TMPRSS15: variants seen among roughly 807,000 people sequenced by gnomAD.
The protein encoded by TMPRSS15 is transmembrane serine protease 15, also known as enteropeptidase.
A neutral mutation model predicts 125.3 loss-of-function variants in TMPRSS15; 128 were observed. The observed-to-expected ratio is 1.02, with a 90% CI of 0.89 to 1.18. The LOEUF (loss-of-function observed/expected upper bound fraction) is 1.18, where lower values mean the gene tolerates loss of function less well. Among genes scored for constraint, TMPRSS15 ranks in the 50% most tolerant of loss-of-function variants. TMPRSS15 has a pLI of 0.00. For synonymous variants in TMPRSS15, 446 were observed against 423.2 expected (o/e 1.05, Z -0.66); for missense variants, 1,283 against 1,212.7 (o/e 1.06, Z -0.86).
At chr21:18,390,684 G>A (rs1242774296) in intron 3 of TMPRSS15, among the ~76,000 whole-genome samples, 1 of 152,144 alleles carries the variant, frequency 6.6e-6, no homozygotes, top group Non-Finnish European at 1.5e-5. Context: ...TCAGTTAAGT[G>A]TCCCAGGGAA....
chr21:18,469,116 C>A (rs1231379454), intron 1 of TMPRSS15, among the ~76,000 whole-genome samples: 2 of 152,174 alleles, frequency 1.3e-5, no homozygotes, highest in Non-Finnish European at 2.9e-5. Context: ...GCAGCCCTAA[C>A]TACAGCTGCA....
At chr21:18,300,294 TTC>T (rs1187103446) in intron 18 of TMPRSS15, among the ~76,000 whole-genome samples, 5 of 121,436 alleles carry the variant, frequency 4.1e-5, no homozygotes, top group African/African-American at 2.6e-5. Flanking sequence ...CTCTCTTTCT[TTC>T]TCTCTCTCTC....
intron 7 of TMPRSS15, among the ~76,000 whole-genome samples, chr21:18,364,834 C>A (rs533565514): frequency 6.6e-6 from 1 of 152,252 alleles, no homozygotes; most frequent in East Asian, 1.9e-4. Flanking sequence ...TCTCACGATA[C>A]ACAGACATAC....
chr21:18,336,744 C>T (rs1178502011), intron 13 of TMPRSS15, among the ~76,000 whole-genome samples: 1 of 152,176 alleles, frequency 6.6e-6, no homozygotes, highest in Non-Finnish European at 1.5e-5. Context: ...GATCGTAGTG[C>T]ACCCGAGCCT....
At chr21:18,299,963 T>G (rs1484684440) in intron 18 of TMPRSS15, among the ~76,000 whole-genome samples, 1 of 152,198 alleles carries the variant, frequency 6.6e-6, no homozygotes, top group African/African-American at 2.4e-5. Flanking sequence ...GCTACTGGCA[T>G]GAGGCTCTGC....
At chr21:18,445,763 T>C (rs1406671975) in intron 1 of TMPRSS15, among the ~76,000 whole-genome samples, 3 of 152,216 alleles carry the variant, frequency 2.0e-5, no homozygotes, top group Non-Finnish European at 4.4e-5. Flanking sequence ...CAACATTCTT[T>C]TATGATAAAA....
chr21:18,412,416 G>A (rs1397380576), intron 1 of TMPRSS15, among the ~76,000 whole-genome samples: 1 of 152,116 alleles, frequency 6.6e-6, no homozygotes, highest in African/African-American at 2.4e-5. Context: ...CTAAGCGAAA[G>A]AATAAAAATA....
intron 10 of TMPRSS15, among the ~76,000 whole-genome samples, chr21:18,348,444 C>T (rs2075531993): frequency 6.6e-6 from 1 of 152,080 alleles, no homozygotes; most frequent in Admixed American, 6.6e-5. Flanking sequence ...AAATCCCTCT[C>T]AAGAAGGAAA....
At position 18,398,261 on chromosome 21, in the gene TMPRSS15, G is replaced by T; in HGVS notation, c.214C>A (p.Pro72Thr). The T allele has an allele frequency of 6.2e-7, 1 of 1,613,760 alleles. No homozygotes were observed. Among genetic ancestry groups the T allele is most frequent in the Non-Finnish European group, 8.5e-7 (1 of 1,179,762 alleles). Residue 72 changes from proline to threonine, a missense_variant, in exon 2 of 25, where the codon CCT becomes ACT. Transcript: ENST00000284885. Reference protein sequence around the residue: ...FKITSGVTYNPNLQDKLSVDF... With the variant: ...FKITSGVTYNTNLQDKLSVDF... ...ACTGAGAGTTTGTCTTGCAAATTAG[G>T]ATTATATGTAACTCCGGATGTTATT...
rs749861824 is a variant in TMPRSS15 at position 18,270,117 on chromosome 21, G to A, written c.2912C>T (p.Ser971Leu). 6.2e-7 allele frequency: 1 copy of A among 1,613,802 alleles called. No individual in the cohort carries two copies. ...TTCTTGGCACATTAATGGTCCTCCTGAATCCCCCTAAAGAGTGAATTGCAA... is the reference window on the plus strand; with the variant it reads ...TTCTTGGCACATTAATGGTCCTCCTAAATCCCCCTAAAGAGTGAATTGCAA... ...EGGIDSCQGD[S>L]GGPLMCQENN... The change falls in exon 25 of 25, where the codon TCA becomes TTA. Residue 971 changes from serine (S) to leucine (L), a missense_variant. Physicochemically the swap from Ser to Leu is moderately radical, Grantham distance 145. Coordinates refer to ENST00000284885, the MANE Select transcript of TMPRSS15 (RefSeq NM_002772.3).
At chr21:18,349,884 C>T (rs911560725) in intron 10 of TMPRSS15, among the ~76,000 whole-genome samples, 1 of 152,156 alleles carries the variant, frequency 6.6e-6, no homozygotes, top group Non-Finnish European at 1.5e-5. Flanking sequence ...ACATTTTCCC[C>T]TTTAATGTAC....
At chr21:18,435,674 T>C (rs1269388270) in intron 1 of TMPRSS15, among the ~76,000 whole-genome samples, 5 of 152,184 alleles carry the variant, frequency 3.3e-5, no homozygotes, top group Non-Finnish European at 7.4e-5. Flanking sequence ...TCCCCTCTTT[T>C]TCTATTGATT....
intron 1 of TMPRSS15, among the ~76,000 whole-genome samples, chr21:18,483,207 T>G (rs554923109): frequency 6.6e-6 from 1 of 152,012 alleles, no homozygotes; most frequent in African/African-American, 2.4e-5. Flanking sequence ...TTCCTTTGCT[T>G]CTTTTAGTTT....
At chr21:18,341,720 A>T (rs1347551440) in intron 12 of TMPRSS15, among the ~76,000 whole-genome samples, 172 bp from the exon 13 acceptor site, 1 of 152,086 alleles carries the variant, frequency 6.6e-6, no homozygotes, top group Admixed American at 6.6e-5. Flanking sequence ...ATGCTTTTTA[A>T]ATTCTTCTGC....
intron 17 of TMPRSS15, among the ~76,000 whole-genome samples, chr21:18,314,799 G>A (rs955060569): frequency 2.0e-5 from 3 of 152,110 alleles, no homozygotes; most frequent in Non-Finnish European, 4.4e-5. Flanking sequence ...CTCTGAATGT[G>A]GGCAACAAAC....
At chr21:18,282,078 A>G (rs971799177) in intron 21 of TMPRSS15, among the ~76,000 whole-genome samples, 3 of 144,938 alleles carry the variant, frequency 2.1e-5, no homozygotes, top group African/African-American at 5.3e-5. Flanking sequence ...AGCCTGGGAG[A>G]CAAAGCAAGA....
At chr21:18,375,545 G>T (rs1219797640) in intron 5 of TMPRSS15, among the ~76,000 whole-genome samples, 1 of 152,038 alleles carries the variant, frequency 6.6e-6, no homozygotes, top group Non-Finnish European at 1.5e-5. Context: ...AATAATAATT[G>T]GTTTCATTTA....
intron 22 of TMPRSS15, among the ~76,000 whole-genome samples, chr21:18,279,927 C>T (rs888443873): frequency 1.3e-5 from 2 of 152,160 alleles, no homozygotes; most frequent in Admixed American, 1.3e-4. Flanking sequence ...CATCAATTTA[C>T]AAGCCAACTG....
At chr21:18,463,337 A>G (rs1978589636) in intron 1 of TMPRSS15, among the ~76,000 whole-genome samples, 1 of 151,674 alleles carries the variant, frequency 6.6e-6, no homozygotes, top group Admixed American at 6.6e-5. Flanking sequence ...AAACTAACAA[A>G]GATCAAAAAA....
Sources: allele counts gnomAD v4.1 joint callset (sites outside exome capture counted in the v4.1 genomes callset), GRCh38; gene constraint gnomAD v4.1.1; transcripts MANE v1.5; gene names NCBI Gene and HGNC (gene_info 2026-07-23, HGNC 2026-07-21).